Variants in KCNIP4 observed in about 807,000 individuals in gnomAD.
KCNIP4 encodes the protein potassium voltage-gated channel interacting protein 4, also known as Kv channel-interacting protein 4.
A neutral mutation model predicts 34.0 loss-of-function variants in KCNIP4; 12 were observed. That is an observed-to-expected ratio of 0.35 (90% CI 0.23 to 0.57). The LOEUF is 0.57. Among genes scored for constraint, KCNIP4 ranks in the 20% least tolerant of loss-of-function variants. KCNIP4 has a pLI of 0.83. For missense variants in KCNIP4, 238 were observed against 311.7 expected, an observed-to-expected ratio of 0.76 and a Z score of 1.78; for synonymous variants, 124 against 102.2, an observed-to-expected ratio of 1.21 and a Z score of -1.29.
intron 5 of KCNIP4, among the ~76,000 whole-genome samples, chr4:20,742,035 T>A (rs886694654): frequency 3.3e-5 from 5 of 152,254 alleles, no homozygotes; most frequent in African/African-American, 1.2e-4. Context: ...GTTGAATCCC[T>A]GAATAGACCA....
intron 1 of KCNIP4, among the ~76,000 whole-genome samples, chr4:21,598,224 T>C (rs1742811596): frequency 6.6e-6 from 1 of 152,126 alleles, no homozygotes; most frequent in Non-Finnish European, 1.5e-5. Flanking sequence ...CATTTTAGCA[T>C]TGGGGATAAT....
intron 1 of KCNIP4, among the ~76,000 whole-genome samples, chr4:21,927,377 A>T: frequency 6.6e-6 from 1 of 152,132 alleles, no homozygotes; most frequent in East Asian, 1.9e-4. Context: ...TGCCTATCAC[A>T]CCAAAGCAAC....
intron 1 of KCNIP4, among the ~76,000 whole-genome samples, chr4:21,206,683 T>C (rs1756875388): frequency 6.6e-6 from 1 of 152,234 alleles, no homozygotes; most frequent in Non-Finnish European, 1.5e-5. Context: ...AACAATTATA[T>C]TTCATTAACA....
At chr4:21,935,163 C>A (rs1008689114) in intron 1 of KCNIP4, among the ~76,000 whole-genome samples, 1 of 151,984 alleles carries the variant, frequency 6.6e-6, no homozygotes, top group Non-Finnish European at 1.5e-5. Flanking sequence ...TTACAAAGAC[C>A]AACCACAATG....
chr4:20,817,285 G>A (rs554461053), intron 3 of KCNIP4, among the ~76,000 whole-genome samples: 11 of 152,262 alleles, frequency 7.2e-5, no homozygotes, highest in Admixed American at 2.6e-4. Flanking sequence ...CAAATTCTGC[G>A]TTTAATTACA....
chr4:21,618,050 G>A (rs141027289), intron 1 of KCNIP4, among the ~76,000 whole-genome samples: 1 of 152,280 alleles, frequency 6.6e-6, no homozygotes, highest in East Asian at 1.9e-4. Flanking sequence ...GTAATAGGTT[G>A]TATACCACTG....
At position 20,903,990 on chromosome 4, in the gene KCNIP4, C is replaced by A. The variant is rs564475181; in HGVS notation, c.62-21281G>T. Reference sequence around the variant, plus strand: ...GGTGCCTGGCTCTACTTGATGGGCTCCCCTCAGTTTGCCAAAGATTTATAA... The same window carrying A: ...GGTGCCTGGCTCTACTTGATGGGCTACCCTCAGTTTGCCAAAGATTTATAA... On this transcript the variant is annotated intron_variant, in intron 1 of 8. Coordinates refer to ENST00000382152, the MANE Select transcript of KCNIP4 (RefSeq NM_025221.6). Among the ~76,000 whole-genome samples the A allele has an allele frequency of 2.2e-4, 34 of 152,126 alleles. No individual in the cohort carries two copies. The South Asian group carries it at 6.9e-3, about 31-fold the overall frequency.
At chr4:21,645,160 C>G (rs897007424) in intron 1 of KCNIP4, among the ~76,000 whole-genome samples, 4 of 152,078 alleles carry the variant, frequency 2.6e-5, no homozygotes, top group African/African-American at 9.7e-5. Context: ...TCCAGTATAG[C>G]TGGAATGTGT....
chr4:21,300,576 T>C (rs1425748765), intron 1 of KCNIP4, among the ~76,000 whole-genome samples: 2 of 86,034 alleles, frequency 2.3e-5, no homozygotes, highest in Non-Finnish European at 4.3e-5. Context: ...TTACTTGTTA[T>C]TGAAACTCTT....
intron 1 of KCNIP4, among the ~76,000 whole-genome samples, chr4:21,897,626 A>T (rs1727472375): frequency 6.6e-6 from 1 of 152,174 alleles, no homozygotes; most frequent in Admixed American, 6.5e-5. Context: ...AGGGCTAATA[A>T]TTGTAAAAGG....
At chr4:21,574,316 CTG>C in intron 1 of KCNIP4, among the ~76,000 whole-genome samples, 1 of 152,148 alleles carries the variant, frequency 6.6e-6, no homozygotes, top group South Asian at 2.1e-4. Flanking sequence ...CCAGGTGAAA[CTG>C]GCGTTTTTCT....
At chr4:21,067,566 C>A (rs1267597823) in intron 1 of KCNIP4, among the ~76,000 whole-genome samples, 1 of 152,120 alleles carries the variant, frequency 6.6e-6, no homozygotes, top group Non-Finnish European at 1.5e-5. Context: ...GAACTCATCA[C>A]ACTAAAAGGA....
intron 1 of KCNIP4, among the ~76,000 whole-genome samples, chr4:21,445,779 T>G (rs558232684): frequency 6.6e-6 from 1 of 152,146 alleles, no homozygotes; most frequent in Non-Finnish European, 1.5e-5. Flanking sequence ...AAATGGGATC[T>G]AATTAAACTA....
intron 1 of KCNIP4, among the ~76,000 whole-genome samples, chr4:21,259,750 C>T (rs555315781): frequency 6.6e-6 from 1 of 152,268 alleles, no homozygotes; most frequent in African/African-American, 2.4e-5. Flanking sequence ...TTAGCCTCAG[C>T]TCTTTGCAAC....
intron 1 of KCNIP4, among the ~76,000 whole-genome samples, chr4:21,928,553 T>G (rs188348441): frequency 6.6e-6 from 1 of 152,090 alleles, no homozygotes; most frequent in African/African-American, 2.4e-5. Context: ...TTAGAAGAGT[T>G]TGTGGTAAAC....
chr4:20,785,337 T>A (rs1391629267), intron 3 of KCNIP4, among the ~76,000 whole-genome samples: 1 of 151,618 alleles, frequency 6.6e-6, no homozygotes, highest in South Asian at 2.1e-4. Context: ...TCTTTTTTTT[T>A]TTTTTTGCTA....
Position 21,105,602 on chromosome 4 carries a change from A to C in KCNIP4, c.62-222893T>G, listed in dbSNP as rs529040970. On this transcript the variant is annotated intron_variant, in intron 1 of 8. Coordinates refer to ENST00000382152, the MANE Select transcript of KCNIP4 (RefSeq NM_025221.6). ...TACCATTTATTTCCTTCTCCTGCCT[A>C]ATTGCCCTGGCCAGAACTTCCAACA... Among the ~76,000 whole-genome samples, 12 of 151,636 alleles carry C rather than the reference A, an allele frequency of 7.9e-5. No individual in the cohort carries two copies. In the South Asian group the frequency reaches 2.5e-3, roughly 31 times the overall value.
At chr4:21,532,648 G>A (rs1242036903) in intron 1 of KCNIP4, among the ~76,000 whole-genome samples, 1 of 152,088 alleles carries the variant, frequency 6.6e-6, no homozygotes, top group Non-Finnish European at 1.5e-5. Flanking sequence ...TTCATCTGAA[G>A]TATCTCTAAA....
At chr4:21,369,799 C>A (rs34967618) in intron 1 of KCNIP4, among the ~76,000 whole-genome samples, 2 of 141,868 alleles carry the variant, frequency 1.4e-5, no homozygotes, top group South Asian at 2.2e-4. Flanking sequence ...AGGGAAGGGC[C>A]GAGACCTTAA....
Sources: gnomAD v4.1 joint callset for allele counts (sites outside exome capture counted in the v4.1 genomes callset) on GRCh38, gnomAD v4.1.1 for gene constraint, MANE v1.5 for transcripts, NCBI Gene and HGNC (gene_info 2026-07-23, HGNC 2026-07-21) for gene names.